The following ITGA9 variants were observed in gnomAD, a reference collection of about 807,000 sequenced individuals.
ITGA9 encodes the protein integrin subunit alpha 9.
Under a neutral mutation model 127.8 loss-of-function variants are expected in ITGA9, and 56 were observed. The ratio of observed to expected loss-of-function variants is 0.44; its 90% CI spans 0.35 to 0.55. ITGA9 has a LOEUF of 0.55. Among genes scored for constraint, ITGA9 ranks in the 20% least tolerant of loss-of-function variants. ITGA9 has a pLI of 0.00. For missense variants in ITGA9, 1,196 were observed against 1,347.1 expected, an observed-to-expected ratio of 0.89 and a Z score of 1.76; for synonymous variants, 508 against 514.5, an observed-to-expected ratio of 0.99 and a Z score of 0.17.
intron 5 of ITGA9, among the ~76,000 whole-genome samples, chr3:37,498,905 C>T (rs1327639937): frequency 6.6e-6 from 1 of 152,260 alleles, no homozygotes; most frequent in Non-Finnish European, 1.5e-5. Context: ...GCCAGCGCGA[C>T]TCCCCTCCTC....
At chr3:37,485,289 T>G (rs1698597511) in intron 4 of ITGA9, among the ~76,000 whole-genome samples, 1 of 151,982 alleles carries the variant, frequency 6.6e-6, no homozygotes, top group African/African-American at 2.4e-5. Context: ...ATGGTGGAAA[T>G]TCGAGACTGG....
At chr3:37,513,542 C>T (rs1212581665) in intron 8 of ITGA9, among the ~76,000 whole-genome samples, 1 of 151,728 alleles carries the variant, frequency 6.6e-6, no homozygotes, top group Non-Finnish European at 1.5e-5. Flanking sequence ...CCCATTAACT[C>T]GTCATTTAAC....
rs192393713 is a variant in ITGA9, at chr3:37,557,760, A to G, written c.1689+15175A>G. On this transcript the variant is annotated intron_variant, in intron 15 of 27. Transcript: ENST00000264741. ...ATAAAGAATACAATTACATATGTTA[A>G]TATGTGATTATATACAGAAAATTGT... is the stretch of plus-strand genomic sequence containing the variant. Among the ~76,000 whole-genome samples the G allele has an allele frequency of 9.8e-4, 149 of 152,336 alleles. 1 individual carries two copies. The highest frequency in any genetic ancestry group is 3.5e-3 in the African/African-American group (144 of 41,590).
chr3:37,627,672 A>T (rs1397520858), intron 15 of ITGA9, among the ~76,000 whole-genome samples: 1 of 152,230 alleles, frequency 6.6e-6, no homozygotes, highest in African/African-American at 2.4e-5. Context: ...TCATAGGACC[A>T]ATCTGGGTGA....
intron 15 of ITGA9, among the ~76,000 whole-genome samples, chr3:37,608,507 A>C (rs141579750): frequency 4.1e-4 from 62 of 152,260 alleles, no homozygotes; most frequent in African/African-American, 1.5e-3. Flanking sequence ...TGGTTCATGG[A>C]CTCCAGACAC....
intron 1 of ITGA9, among the ~76,000 whole-genome samples, chr3:37,462,173 G>C (rs1451309636): frequency 2.0e-5 from 3 of 152,166 alleles, no homozygotes; most frequent in African/African-American, 7.2e-5. Context: ...CCTCCCCTCA[G>C]TGTGTCTGCC....
At chr3:37,512,450 C>G (rs1162555992) in intron 8 of ITGA9, among the ~76,000 whole-genome samples, 3 of 151,754 alleles carry the variant, frequency 2.0e-5, no homozygotes, top group African/African-American at 7.3e-5. Flanking sequence ...GAACTCCTGG[C>G]CTTGTGATCC....
rs139235685 is a variant in ITGA9 at position 37,657,310 on chromosome 3, C to T, written c.1916+3520C>T. On this transcript the variant is annotated intron_variant, in intron 17 of 27. Transcript: ENST00000264741. Reference sequence around the variant, plus strand: ...CTCTGGTAGAATTCAGTTGTGAATCCGCCTGGTCCTGGGCTTTTTTTGGTT... The same window carrying T: ...CTCTGGTAGAATTCAGTTGTGAATCTGCCTGGTCCTGGGCTTTTTTTGGTT... Among the ~76,000 whole-genome samples, 997 of 152,220 alleles carry T rather than the reference C, an allele frequency of 6.5e-3. 3 individuals carry two copies. The highest frequency in any genetic ancestry group is 0.016 in the Admixed American group (238 of 15,284).
At chr3:37,713,614 C>T (rs756005805) in intron 18 of ITGA9, among the ~76,000 whole-genome samples, 2 of 152,210 alleles carry the variant, frequency 1.3e-5, no homozygotes, top group Non-Finnish European at 2.9e-5. Flanking sequence ...GTACTTTCAG[C>T]ACTCCCTCGT....
chr3:37,642,704 A>G (rs1425226112), intron 16 of ITGA9, among the ~76,000 whole-genome samples: 1 of 152,240 alleles, frequency 6.6e-6, no homozygotes, highest in Non-Finnish European at 1.5e-5. Context: ...GGCTTTGTTG[A>G]GAAGTCTTAC....
chr3:37,774,163 A>G (rs186491531), intron 23 of ITGA9, among the ~76,000 whole-genome samples: 4 of 152,342 alleles, frequency 2.6e-5, no homozygotes, highest in Admixed American at 6.5e-5. Context: ...TTGTCTTGCA[A>G]GTGAATATTC....
In ITGA9 at chr3:37,503,257, A is replaced by G. The variant is rs1036342146; in HGVS notation, c.692A>G (p.Tyr231Cys). Residue 231 changes from tyrosine (Y) to cysteine (C), a missense_variant, in exon 6 of 28, where the codon TAT becomes TGT. Transcript: ENST00000264741. ...GTGCTGAACCTTACGGACAACACCT[A>G]TTTAAAACTGAACGACGAAGTGATC... Reference protein sequence around the residue: ...IKVLNLTDNTYLKLNDEVIMN... With the variant: ...IKVLNLTDNTCLKLNDEVIMN... 12 of 1,614,012 alleles carry G rather than the reference A, an allele frequency of 7.4e-6. No individual in the cohort carries two copies. Among genetic ancestry groups the G allele is most frequent in the Non-Finnish European group, 1.0e-5 (12 of 1,180,006 alleles).
At chr3:37,547,941 T>C (rs977431384) in intron 15 of ITGA9, among the ~76,000 whole-genome samples, 1 of 152,216 alleles carries the variant, frequency 6.6e-6, no homozygotes, top group African/African-American at 2.4e-5. Context: ...CAAAAGCTTG[T>C]CAATAAATAT....
intron 15 of ITGA9, among the ~76,000 whole-genome samples, chr3:37,610,826 C>T (rs1005646657): frequency 7.9e-5 from 12 of 152,242 alleles, no homozygotes; most frequent in Non-Finnish European, 1.6e-4. Flanking sequence ...CTCACATTAT[C>T]CAGTAAACCC....
At chr3:37,472,837 A>G (rs969578986) in intron 2 of ITGA9, among the ~76,000 whole-genome samples, 3 of 152,142 alleles carry the variant, frequency 2.0e-5, no homozygotes, top group Non-Finnish European at 2.9e-5. Context: ...GCCTCTTTCC[A>G]TGAGAAAGTC....
At chr3:37,685,515 C>G (rs1286276603) in intron 18 of ITGA9, among the ~76,000 whole-genome samples, 3 of 152,140 alleles carry the variant, frequency 2.0e-5, no homozygotes, top group Non-Finnish European at 4.4e-5. Context: ...CACACAGTAT[C>G]TTTTACAGAA....
At chr3:37,616,447 T>C (rs1396903774) in intron 15 of ITGA9, among the ~76,000 whole-genome samples, 3 of 152,200 alleles carry the variant, frequency 2.0e-5, no homozygotes, top group African/African-American at 7.2e-5. Context: ...TTCTGTTGAT[T>C]TGGGGTGGAG....
intron 13 of ITGA9, 22 bp downstream of exon 13, chr3:37,526,093 C>T: frequency 6.2e-7 from 1 of 1,609,584 alleles, no homozygotes. Flanking sequence ...CACTCTTGCT[C>T]CTTGAATTGT....
intron 15 of ITGA9, among the ~76,000 whole-genome samples, chr3:37,560,669 T>C (rs1015349234): frequency 4.6e-5 from 7 of 152,220 alleles, no homozygotes; most frequent in Non-Finnish European, 2.9e-5. Context: ...TGGTATCTCA[T>C]TGTGGTTTTG....
Sources: allele counts gnomAD v4.1 joint callset (sites outside exome capture counted in the v4.1 genomes callset), GRCh38; gene constraint gnomAD v4.1.1; transcripts MANE v1.5; gene names NCBI Gene and HGNC (gene_info 2026-07-23, HGNC 2026-07-21).